The following FSTL4 variants were observed in gnomAD, a reference collection of about 807,000 sequenced individuals.
FSTL4 encodes follistatin-related protein 4.
Under a neutral mutation model 78.2 loss-of-function variants are expected in FSTL4, and 28 were observed. The observed-to-expected ratio is 0.36, with a 90% CI of 0.27 to 0.49. FSTL4 has a LOEUF of 0.49. Ranked by LOEUF, FSTL4 falls within the 20% of genes least tolerant of loss-of-function variation. The pLI, the probability that FSTL4 is intolerant of heterozygous loss-of-function variation, is 0.98. For missense variants in FSTL4, 922 were observed against 1,084.9 expected (o/e 0.85, Z 2.11); for synonymous variants, 422 against 440.5 (o/e 0.96, Z 0.53).
intron 3 of FSTL4, among the ~76,000 whole-genome samples, chr5:133,527,431 C>T (rs1759155766): frequency 6.6e-6 from 1 of 151,950 alleles, no homozygotes; most frequent in Admixed American, 6.6e-5. Context: ...GTTCTCTCAG[C>T]CTCTCAGTTG....
intron 3 of FSTL4, among the ~76,000 whole-genome samples, chr5:133,491,196 T>C (rs948875875): frequency 1.3e-5 from 2 of 152,224 alleles, no homozygotes; most frequent in African/African-American, 4.8e-5. Flanking sequence ...ATCCCATTAT[T>C]GTAGATTGTA....
the FSTL4 span, among the ~76,000 whole-genome samples, chr5:133,635,405 C>T: frequency 6.6e-6 from 1 of 152,236 alleles, no homozygotes; most frequent in Non-Finnish European, 1.5e-5. Context: ...AAAAGGATGA[C>T]AGCTACATCC....
At chr5:133,804,297 G>A in the FSTL4 span, among the ~76,000 whole-genome samples, 561 of 152,214 alleles carry the variant, frequency 3.7e-3, 5 homozygotes, top group Non-Finnish European at 6.3e-3. Context: ...GCCTTGCCTG[G>A]CCACATTGTC....
intron 4 of FSTL4, among the ~76,000 whole-genome samples, chr5:133,335,306 C>T (rs1015028220): frequency 7.2e-5 from 11 of 152,188 alleles, no homozygotes; most frequent in African/African-American, 1.2e-4. Context: ...GCCCTGGCCT[C>T]GTCTGCCCTG....
At chr5:133,312,485 T>G in intron 6 of FSTL4, 169 bp downstream of exon 6, 2 of 631,990 alleles carry the variant, frequency 3.2e-6, no homozygotes, top group Non-Finnish European at 5.6e-6. Flanking sequence ...CACTCTCCGT[T>G]TAGTCTTTTC....
chr5:133,647,636 T>G, the FSTL4 span, among the ~76,000 whole-genome samples: 1 of 152,202 alleles, frequency 6.6e-6, no homozygotes, highest in African/African-American at 2.4e-5. Flanking sequence ...GAAGGAAAGA[T>G]GCACACACAG....
Position 133,361,177 on chromosome 5 carries a change from G to A in FSTL4, c.409+39561C>T, listed in dbSNP as rs1027964743. Among the ~76,000 whole-genome samples, 14 of 152,076 alleles carry A rather than the reference G, an allele frequency of 9.2e-5. No individual in the cohort carries two copies. Among genetic ancestry groups the A allele is most frequent in the South Asian group, 2.1e-4 (1 of 4,818 alleles). On this transcript the variant is annotated intron_variant, in intron 4 of 15. Transcript: ENST00000265342. This position sits in a 1 kb window ranked among gnomAD's most constrained non-coding sequence, Gnocchi z 4.3. Reference sequence around the variant, plus strand: ...GAAACATGATTCCCGACCTCTTCTCGCTCTAATAAACTTTTCAAGGAGGGG... The same window carrying A: ...GAAACATGATTCCCGACCTCTTCTCACTCTAATAAACTTTTCAAGGAGGGG...
chr5:133,325,175 T>G (rs1053600762), intron 4 of FSTL4, among the ~76,000 whole-genome samples: 12 of 152,188 alleles, frequency 7.9e-5, no homozygotes, highest in African/African-American at 2.7e-4. Context: ...GCCCTGTGCT[T>G]GAAACAGCCA....
chr5:133,244,790 C>G (rs1004605828), intron 7 of FSTL4: 2 of 152,272 alleles, frequency 1.3e-5, no homozygotes, highest in Non-Finnish European at 2.9e-5. Flanking sequence ...AGGAGACATA[C>G]CAGGTCCAGG....
intron 3 of FSTL4, chr5:133,427,503 T>C (rs537389942): frequency 2.8e-4 from 121 of 426,628 alleles, no homozygotes; most frequent in African/African-American, 2.0e-3. Flanking sequence ...GAGTGTGTGT[T>C]GCGGGGGTGG....
At chr5:133,817,828 C>T in the FSTL4 span, among the ~76,000 whole-genome samples, 1 of 152,196 alleles carries the variant, frequency 6.6e-6, no homozygotes. Context: ...CATGACCTGG[C>T]ACAGTACTAA....
At chr5:133,212,406 T>TCTGATCC (rs1750762009) in intron 13 of FSTL4, among the ~76,000 whole-genome samples, 1 of 152,206 alleles carries the variant, frequency 6.6e-6, no homozygotes, top group African/African-American at 2.4e-5. Flanking sequence ...AGCCAAGAGA[T>TCTGATCC]CTGATCCTGG....
At chr5:133,386,212 T>G (rs1755698277) in intron 4 of FSTL4, among the ~76,000 whole-genome samples, 1 of 152,234 alleles carries the variant, frequency 6.6e-6, no homozygotes, top group African/African-American at 2.4e-5. Context: ...TTGAGTTAGT[T>G]GTTACCCTGC....
the FSTL4 span, among the ~76,000 whole-genome samples, chr5:133,725,484 G>C: frequency 6.6e-6 from 1 of 152,316 alleles, no homozygotes; most frequent in Admixed American, 6.5e-5. Flanking sequence ...ATGTCTTTCA[G>C]ATACACATGC....
At chr5:133,293,354 T>G (rs936340378) in intron 6 of FSTL4, among the ~76,000 whole-genome samples, 1 of 152,370 alleles carries the variant, frequency 6.6e-6, no homozygotes, top group Non-Finnish European at 1.5e-5. Flanking sequence ...CACTCTTCCC[T>G]GTGGGTGTCT....
At chr5:133,275,381 G>A (rs1752857650) in intron 6 of FSTL4, among the ~76,000 whole-genome samples, 1 of 152,112 alleles carries the variant, frequency 6.6e-6, no homozygotes, top group South Asian at 2.1e-4. Context: ...CTAACATGGT[G>A]AAACCCTGTC....
the FSTL4 span, among the ~76,000 whole-genome samples, chr5:133,700,452 T>C: frequency 1.6e-4 from 24 of 150,706 alleles, no homozygotes; most frequent in Non-Finnish European, 8.9e-5. Flanking sequence ...CACCAAACCA[T>C]CACACCAAGC....
At chr5:133,318,702 A>G (rs1753970004) in intron 4 of FSTL4, among the ~76,000 whole-genome samples, 2 of 152,254 alleles carry the variant, frequency 1.3e-5, no homozygotes, top group Admixed American at 1.3e-4. Flanking sequence ...ACCGGTGGAC[A>G]ATCAGGCTCC....
rs147155383 is a variant in FSTL4, at chr5:133,554,265, T to C, written c.160+12921A>G. On this transcript the variant is annotated intron_variant, in intron 3 of 15. Coordinates refer to ENST00000265342, the MANE Select transcript of FSTL4 (RefSeq NM_015082.2). ...AATCCAGACAGAGAGCCTGGGGAGA[T>C]GGGGGGGAGGTGCCTGGACCACAGT... 3.0e-3 allele frequency among the ~76,000 whole-genome samples: 462 copies of C among 151,972 alleles called. 3 individuals carry two copies. Among genetic ancestry groups the C allele is most frequent in the African/African-American group, 0.011 (447 of 41,426 alleles).
Sources: gnomAD v4.1 joint callset for allele counts (sites outside exome capture counted in the v4.1 genomes callset) on GRCh38, gnomAD v4.1.1 for gene constraint, Gnocchi (gnomAD v3.1) non-coding constraint, MANE v1.5 for transcripts, NCBI Gene and HGNC (gene_info 2026-07-23, HGNC 2026-07-21) for gene names.